The following EMP2 variants were observed in gnomAD, a reference collection of about 807,000 sequenced individuals.
EMP2 encodes the protein epithelial membrane protein 2.
EMP2 carries 19 observed loss-of-function variants against 13.7 expected under a neutral mutation model. The ratio of observed to expected loss-of-function variants is 1.38; its 90% confidence interval spans 0.97 to 2.03. EMP2 has a LOEUF of 2.03. Among genes scored for constraint, EMP2 ranks in the 30% most tolerant of loss-of-function variants. EMP2 has a pLI of 0.00. For synonymous variants in EMP2, 97 were observed against 84.7 expected, an observed-to-expected ratio of 1.15 and a Z score of -0.80; for missense variants, 253 against 220.7, an observed-to-expected ratio of 1.15 and a Z score of -0.93.
In EMP2 at chr16:10,547,642, G is replaced by T. The variant is rs1567203839; in HGVS notation, c.-25C>A. 1 of 1,613,236 alleles carries T rather than the reference G, an allele frequency of 6.2e-7. No homozygotes were observed. Among genetic ancestry groups the T allele is most frequent in the Non-Finnish European group, 8.5e-7 (1 of 1,179,484 alleles). Reference sequence around the variant, plus strand: ...TTTTCACAGGGCAGGGCGAGTCGAGGCGAGGGGTCACGTTTAAAGCCCAGA... The same window carrying T: ...TTTTCACAGGGCAGGGCGAGTCGAGTCGAGGGGTCACGTTTAAAGCCCAGA... On this transcript the variant is annotated 5_prime_UTR_variant, in exon 2 of 5. Coordinates refer to ENST00000359543, the MANE Select transcript of EMP2 (RefSeq NM_001424.6).
chr16:10,544,172 T>C (rs1312652310), intron 2 of EMP2: 1 of 153,482 alleles, frequency 6.5e-6, no homozygotes, highest in Non-Finnish European at 1.4e-5. Context: ...ACATTTCTTT[T>C]TTTTTTTCCT....
At chr16:10,534,109 C>G (rs1161586487) in intron 4 of EMP2, among the ~76,000 whole-genome samples, 1 of 151,294 alleles carries the variant, frequency 6.6e-6, no homozygotes, top group African/African-American at 2.4e-5. Context: ...CAAAAACTTC[C>G]TCTCAAAAAA....
intron 3 of EMP2, among the ~76,000 whole-genome samples, chr16:10,540,638 T>C (rs2050688431): frequency 6.6e-6 from 1 of 152,192 alleles, no homozygotes; most frequent in East Asian, 1.9e-4. Context: ...GTTTGTTTTT[T>C]AACATGAAAA....
At chr16:10,535,378 G>A (rs978568577) in intron 4 of EMP2, among the ~76,000 whole-genome samples, 4 of 152,016 alleles carry the variant, frequency 2.6e-5, no homozygotes, top group African/African-American at 9.7e-5. Context: ...ACATATATTA[G>A]GGTAATCAAT....
chr16:10,548,913 C>A (rs751651469), intron 1 of EMP2, among the ~76,000 whole-genome samples: 4 of 152,080 alleles, frequency 2.6e-5, no homozygotes, highest in Non-Finnish European at 4.4e-5. Context: ...TACTAATAGG[C>A]CAGAACTTCA....
intron 1 of EMP2, among the ~76,000 whole-genome samples, chr16:10,562,770 G>T (rs574798612): frequency 2.3e-4 from 35 of 152,206 alleles, no homozygotes; most frequent in Non-Finnish European, 4.3e-4. Flanking sequence ...ACCTTCCCCA[G>T]TGCCCAAGGT....
At chr16:10,550,658 A>G (rs926660935) in intron 1 of EMP2, among the ~76,000 whole-genome samples, 1 of 152,074 alleles carries the variant, frequency 6.6e-6, no homozygotes. Context: ...CTTTCACTGT[A>G]CATTTCCCCT....
Position 10,562,665 on chromosome 16 carries a change from G to C in EMP2, c.-60-14988C>G, listed in dbSNP as rs1017828659. Among the ~76,000 whole-genome samples the C allele has an allele frequency of 9.9e-5, 15 of 152,108 alleles. 1 individual carries two copies. Among genetic ancestry groups the C allele is most frequent in the Admixed American group, 9.2e-4 (14 of 15,256 alleles). On this transcript the variant is annotated intron_variant, in intron 1 of 4. Coordinates refer to ENST00000359543, the MANE Select transcript of EMP2 (RefSeq NM_001424.6). ...TTCTATTTTAAGCCATTACATTCTG[G>C]GGTGGTTTGTTACCCAGCAAGAGCT...
At chr16:10,541,512 C>A (rs935932273) in intron 3 of EMP2, among the ~76,000 whole-genome samples, 3 of 152,174 alleles carry the variant, frequency 2.0e-5, no homozygotes, top group Admixed American at 6.6e-5. Context: ...GGTTCGCCAA[C>A]CCCTGTTTTA....
intron 2 of EMP2, chr16:10,546,382 C>G (rs1307889262): frequency 6.6e-6 from 1 of 152,180 alleles, no homozygotes; most frequent in African/African-American, 2.4e-5. Context: ...TGATGTCACT[C>G]CCTGTTTGGA....
chr16:10,573,963 A>C (rs948388728), intron 1 of EMP2, among the ~76,000 whole-genome samples: 25 of 108,182 alleles, frequency 2.3e-4, no homozygotes, highest in Non-Finnish European at 3.4e-4. Flanking sequence ...TTTGAGACAG[A>C]GTCTTGCTCT....
chr16:10,541,299 TAAA>T (rs558398777), intron 3 of EMP2, among the ~76,000 whole-genome samples: 64 of 152,138 alleles, frequency 4.2e-4, no homozygotes, highest in Admixed American at 7.2e-4. Context: ...CTTTTTAAAG[TAAA>T]AAAAGTTGGC....
intron 2 of EMP2, chr16:10,547,020 C>G (rs1328005126): frequency 6.6e-6 from 1 of 152,366 alleles, no homozygotes; most frequent in Non-Finnish European, 1.5e-5. Flanking sequence ...CAAGAGTCCT[C>G]AGCCCTTGGG....
intron 1 of EMP2, among the ~76,000 whole-genome samples, chr16:10,558,833 G>A (rs11865118): frequency 2.0e-5 from 3 of 152,094 alleles, no homozygotes; most frequent in African/African-American, 4.8e-5. Context: ...GAGAGAGAAC[G>A]TGCTGTTAAG....
chr16:10,561,280 A>G (rs1015123453), intron 1 of EMP2, among the ~76,000 whole-genome samples: 1 of 152,184 alleles, frequency 6.6e-6, no homozygotes, highest in Non-Finnish European at 1.5e-5. Flanking sequence ...GAAATTGGTG[A>G]CATGGTAGAA....
rs1174419235 is a variant in EMP2, at chr16:10,536,604, C to T, written c.316+1324G>A. On this transcript the variant is annotated intron_variant, in intron 4 of 4. Transcript: ENST00000359543. The stretch of plus-strand genomic sequence containing the variant: ...CATGTGGAACTGTAAGTCCATTAAG[C>T]CTCTTTCCTTTACAAATTACCCAGT... Among the ~76,000 whole-genome samples, 8 of 152,174 alleles carry T rather than the reference C, an allele frequency of 5.3e-5. No individual in the cohort carries two copies. The East Asian group carries it at 1.5e-3, about 29-fold the overall frequency.
rs1222788717 is a variant in EMP2, at chr16:10,528,682, A to C, written c.*4223T>G. Reference sequence around the variant, plus strand: ...AGTAGAAAGTTTCTAACTACCCTAAAGTCACAAACCAAGATTCAAAATGAA... The same window carrying C: ...AGTAGAAAGTTTCTAACTACCCTAACGTCACAAACCAAGATTCAAAATGAA... On this transcript the variant is annotated 3_prime_UTR_variant, in exon 5 of 5. Coordinates refer to ENST00000359543, the MANE Select transcript of EMP2 (RefSeq NM_001424.6). The C allele has an allele frequency of 6.6e-6, 1 of 152,220 alleles. No individual in the cohort carries two copies. Among genetic ancestry groups the C allele is most frequent in the African/African-American group, 2.4e-5 (1 of 41,470 alleles). 9.4% of individuals were successfully genotyped at this position (152,220 alleles called of 1,614,324 possible).
chr16:10,568,530 T>C (rs1267166400), intron 1 of EMP2, among the ~76,000 whole-genome samples: 1 of 152,190 alleles, frequency 6.6e-6, no homozygotes, highest in Non-Finnish European at 1.5e-5. Flanking sequence ...TGGCAAATCC[T>C]GTCCCACTAA....
intron 1 of EMP2, among the ~76,000 whole-genome samples, chr16:10,571,233 G>A (rs972889982): frequency 7.6e-5 from 10 of 132,202 alleles, no homozygotes; most frequent in African/African-American, 3.0e-4. Flanking sequence ...CTCCAGCCTG[G>A]TGACAGAGCA....
Sources: allele counts gnomAD v4.1 joint callset (sites outside exome capture counted in the v4.1 genomes callset), GRCh38; gene constraint gnomAD v4.1.1; transcripts MANE v1.5; gene names NCBI Gene and HGNC (gene_info 2026-07-23, HGNC 2026-07-21).